The following COL5A2 variants were observed in gnomAD, a reference collection of about 807,000 sequenced individuals.
COL5A2 encodes collagen type V alpha 2 chain, also known as collagen alpha-2(V) chain.
Under a neutral mutation model 208.2 loss-of-function variants are expected in COL5A2, and 23 were observed. The ratio of observed to expected loss-of-function variants is 0.11; its 90% CI spans 0.08 to 0.16. The LOEUF is 0.16. Ranked by LOEUF, COL5A2 falls within the 10% of genes least tolerant of loss-of-function variation. COL5A2 has a pLI of 1.00. For missense variants in COL5A2, 1,590 were observed against 1,956.4 expected, an observed-to-expected ratio of 0.81 and a Z score of 3.53; for synonymous variants, 625 against 628.5, an observed-to-expected ratio of 0.99 and a Z score of 0.08.
intron 2 of COL5A2, 27 bp from the exon 3 acceptor site, chr2:189,104,304 T>C: frequency 7.0e-7 from 1 of 1,420,668 alleles, no homozygotes; most frequent in Non-Finnish European, 9.9e-7. Flanking sequence ...GTAAATGTGT[T>C]ATTTTATGAG....
intron 1 of COL5A2, among the ~76,000 whole-genome samples, chr2:189,171,193 T>C (rs13017413): frequency 0.58 from 88,567 of 151,648 alleles, 27,258 homozygotes; most frequent in East Asian, 0.72. Context: ...AGAATGACAG[T>C]TGATGCGACT....
chr2:189,405,201 G>A, the COL5A2 span, among the ~76,000 whole-genome samples: 1 of 151,236 alleles, frequency 6.6e-6, no homozygotes, highest in South Asian at 2.1e-4. Flanking sequence ...AAAAAATAGT[G>A]ACATTAGATA....
At chr2:189,281,003 AATCT>A in the COL5A2 span, among the ~76,000 whole-genome samples, 4 of 151,946 alleles carry the variant, frequency 2.6e-5, no homozygotes, top group Non-Finnish European at 5.9e-5. Flanking sequence ...CTTTTGCACC[AATCT>A]AATACATTAT....
rs76648666 is a variant in COL5A2, at chr2:189,034,612, G to A, written c.4353+304C>T. ...ATTAATTACGCATTTTAGAAATAAG[G>A]AATTTTAAGCATGGGACTGAGATTC... On this transcript the variant is annotated intron_variant, in intron 53 of 53. Transcript: ENST00000374866. Among the ~76,000 whole-genome samples, 1,886 of 152,176 alleles carry A rather than the reference G, an allele frequency of 0.012. 49 individuals carry two copies. Among genetic ancestry groups the A allele is most frequent in the African/African-American group, 0.042 (1,739 of 41,504 alleles).
intron 13 of COL5A2, 30 bp downstream of exon 13, chr2:189,080,960 T>A: frequency 6.3e-7 from 1 of 1,589,076 alleles, no homozygotes; most frequent in Non-Finnish European, 8.6e-7. Context: ...AACCACAGTA[T>A]CTGAGAGGAT....
At chr2:189,323,495 G>A in the COL5A2 span, among the ~76,000 whole-genome samples, 1 of 151,974 alleles carries the variant, frequency 6.6e-6, no homozygotes, top group African/African-American at 2.4e-5. Context: ...AAATCAATGT[G>A]CAAAAATCAC....
chr2:189,326,459 C>T, the COL5A2 span, among the ~76,000 whole-genome samples: 3 of 151,890 alleles, frequency 2.0e-5, no homozygotes, highest in Admixed American at 6.6e-5. Context: ...CTTTGGGAAG[C>T]CGAGGCCAGG....
chr2:189,101,183 T>C (rs1308501108), intron 3 of COL5A2, among the ~76,000 whole-genome samples: 5 of 152,074 alleles, frequency 3.3e-5, no homozygotes, highest in Admixed American at 3.3e-4. Context: ...TGAATATGAA[T>C]TTAACATCTC....
the COL5A2 span, among the ~76,000 whole-genome samples, chr2:189,278,110 G>A: frequency 4.0e-5 from 6 of 151,748 alleles, no homozygotes; most frequent in Admixed American, 3.9e-4. Context: ...ACAACTTTAG[G>A]GAATATTTTC....
intron 34 of COL5A2, 96 bp from the exon 35 acceptor site, chr2:189,057,122 C>T: frequency 7.3e-7 from 1 of 1,378,470 alleles, no homozygotes; most frequent in Non-Finnish European, 1.0e-6. Context: ...TTGTCATTTT[C>T]CTAGTCGTAT....
intron 2 of COL5A2, among the ~76,000 whole-genome samples, chr2:189,108,782 A>G (rs541565960): frequency 9.8e-4 from 149 of 151,956 alleles, no homozygotes; most frequent in African/African-American, 3.3e-3. Context: ...CTCTTTAAAA[A>G]TTGTAATTCA....
At chr2:189,212,366 G>C (rs76459935) in intron 1 of COL5A2, among the ~76,000 whole-genome samples, 5 of 152,186 alleles carry the variant, frequency 3.3e-5, no homozygotes, top group Non-Finnish European at 4.4e-5. Context: ...TGCTGGGCGC[G>C]GTGGCTCATG....
At chr2:189,287,187 T>C in the COL5A2 span, among the ~76,000 whole-genome samples, 2 of 151,922 alleles carry the variant, frequency 1.3e-5, no homozygotes, top group Non-Finnish European at 2.9e-5. Flanking sequence ...AAAAAAATAG[T>C]ACCAAATTGA....
At chr2:189,388,175 A>G in the COL5A2 span, among the ~76,000 whole-genome samples, 1 of 152,300 alleles carries the variant, frequency 6.6e-6, no homozygotes, top group East Asian at 1.9e-4. Flanking sequence ...ACACAGCAAT[A>G]AAAATGGCTC....
chr2:189,075,943 T>C (rs564731857), intron 16 of COL5A2, among the ~76,000 whole-genome samples: 35 of 152,304 alleles, frequency 2.3e-4, no homozygotes, highest in African/African-American at 7.9e-4. Context: ...TCCCTAGGAA[T>C]TGCCCTCAGC....
chr2:189,303,126 G>A, the COL5A2 span, among the ~76,000 whole-genome samples: 1 of 152,298 alleles, frequency 6.6e-6, no homozygotes, highest in Admixed American at 6.5e-5. Context: ...CAGCCACAGT[G>A]CATGATAAGT....
At chr2:189,369,533 A>T in the COL5A2 span, among the ~76,000 whole-genome samples, 1 of 152,034 alleles carries the variant, frequency 6.6e-6, no homozygotes, top group Non-Finnish European at 1.5e-5. Flanking sequence ...AGATTATTCA[A>T]ACTCCTGAAA....
chr2:189,131,844 T>TG (rs1687722039), intron 1 of COL5A2, among the ~76,000 whole-genome samples: 1 of 152,210 alleles, frequency 6.6e-6, no homozygotes, highest in Non-Finnish European at 1.5e-5. Context: ...CTCTCATACT[T>TG]GTTAAAACAA....
chr2:189,313,318 A>G, the COL5A2 span, among the ~76,000 whole-genome samples: 1 of 152,192 alleles, frequency 6.6e-6, no homozygotes. Flanking sequence ...AACGTTCCCA[A>G]CCTAGCTAGA....
Sources: allele counts gnomAD v4.1 joint callset (sites outside exome capture counted in the v4.1 genomes callset), GRCh38; gene constraint gnomAD v4.1.1; transcripts MANE v1.5; gene names NCBI Gene and HGNC (gene_info 2026-07-23, HGNC 2026-07-21).